ACYP2: variants seen among roughly 807,000 people sequenced by gnomAD.
ACYP2 encodes acylphosphatase 2.
A neutral mutation model predicts 11.2 loss-of-function variants in ACYP2; 12 were observed. That is an observed-to-expected ratio of 1.08 (90% CI 0.69 to 1.74). ACYP2 has a LOEUF of 1.74. ACYP2 is among the 40% of genes most tolerant of loss of function. The probability of loss-of-function intolerance (pLI) is 0.00; values close to 1 mark genes in which losing one functional copy is unlikely to be tolerated. For missense variants in ACYP2, 134 were observed against 101.9 expected, an observed-to-expected ratio of 1.31 and a Z score of -1.35; for synonymous variants, 43 against 32.2, an observed-to-expected ratio of 1.33 and a Z score of -1.13.
chr2:54,230,646 A>G (rs963677688), intron 6 of ACYP2, among the ~76,000 whole-genome samples: 1 of 150,206 alleles, frequency 6.7e-6, no homozygotes, highest in African/African-American at 2.4e-5. Flanking sequence ...GATTACAGGC[A>G]TGAGCCACTG....
intron 6 of ACYP2, among the ~76,000 whole-genome samples, chr2:54,188,477 C>T (rs566729975): frequency 4.6e-5 from 7 of 152,140 alleles, no homozygotes; most frequent in Admixed American, 2.0e-4. Context: ...ATATAATATT[C>T]GAACTTTCTA....
At chr2:54,098,161 G>A (rs1169577791) in intron 4 of ACYP2, among the ~76,000 whole-genome samples, 2 of 151,830 alleles carry the variant, frequency 1.3e-5, no homozygotes, top group Non-Finnish European at 2.9e-5. Context: ...TAGAGTCAGG[G>A]TTTTGCCATG....
intron 2 of ACYP2, among the ~76,000 whole-genome samples, chr2:54,038,937 A>G (rs1337473309): frequency 1.3e-5 from 2 of 151,984 alleles, no homozygotes; most frequent in Admixed American, 6.6e-5. Context: ...TTAACAGGGA[A>G]GGGCTCACTG....
At chr2:54,029,520 A>G (rs776396534) in intron 2 of ACYP2, 9 of 392,596 alleles carry the variant, frequency 2.3e-5, no homozygotes, top group Non-Finnish European at 3.9e-5. Context: ...CCAGCAACTC[A>G]GGCTCCTTCC....
intron 2 of ACYP2, among the ~76,000 whole-genome samples, chr2:54,045,215 T>C (rs1352978285): frequency 8.5e-5 from 13 of 152,154 alleles, no homozygotes; most frequent in Admixed American, 7.9e-4. Context: ...TTATTCCAAC[T>C]GATCAATGAC....
chr2:54,132,680 A>G (rs906860762), intron 4 of ACYP2, among the ~76,000 whole-genome samples: 7 of 150,292 alleles, frequency 4.7e-5, no homozygotes, highest in Non-Finnish European at 3.0e-5. Context: ...CCAATGTATT[A>G]TTTTTCAATT....
intron 2 of ACYP2, among the ~76,000 whole-genome samples, chr2:54,033,665 G>A (rs999061116): frequency 3.9e-5 from 6 of 152,212 alleles, no homozygotes; most frequent in Non-Finnish European, 8.8e-5. Context: ...AGGCAGGGGA[G>A]TGACATGATC....
intron 4 of ACYP2, among the ~76,000 whole-genome samples, chr2:54,110,761 C>T (rs1428624263): frequency 6.6e-6 from 1 of 151,956 alleles, no homozygotes; most frequent in Non-Finnish European, 1.5e-5. Flanking sequence ...AGGTGTCGCC[C>T]CATCACCCCA....
intron 6 of ACYP2, among the ~76,000 whole-genome samples, chr2:54,258,296 G>A (rs1472642354): frequency 6.6e-6 from 1 of 152,164 alleles, no homozygotes; most frequent in African/African-American, 2.4e-5. Flanking sequence ...ATGAGATTTT[G>A]GCAAAGAGTC....
intron 6 of ACYP2, among the ~76,000 whole-genome samples, chr2:54,219,962 C>T (rs559819199): frequency 5.0e-5 from 7 of 141,154 alleles, no homozygotes; most frequent in African/African-American, 1.6e-4. Context: ...GGCTGGTCTC[C>T]AACTCCTGAC....
chr2:53,990,047 C>T (rs1422276964), intron 2 of ACYP2, among the ~76,000 whole-genome samples: 2 of 146,274 alleles, frequency 1.4e-5, no homozygotes, highest in African/African-American at 2.5e-5. Context: ...GGTGTGATCT[C>T]GGCTCACTGC....
intron 6 of ACYP2, among the ~76,000 whole-genome samples, chr2:54,212,935 T>C (rs1324814280): frequency 2.0e-5 from 3 of 152,000 alleles, no homozygotes; most frequent in Non-Finnish European, 4.4e-5. Flanking sequence ...ATGTCATGGC[T>C]GTTTTTTCTC....
chr2:54,098,547 C>A (rs1219388405), intron 4 of ACYP2, among the ~76,000 whole-genome samples: 2 of 152,152 alleles, frequency 1.3e-5, no homozygotes, highest in Non-Finnish European at 2.9e-5. Context: ...CTTCTTTGAA[C>A]AGTTTCTGCT....
At chr2:54,206,471 A>G (rs1685072932) in intron 6 of ACYP2, among the ~76,000 whole-genome samples, 1 of 152,194 alleles carries the variant, frequency 6.6e-6, no homozygotes, top group South Asian at 2.1e-4. Flanking sequence ...TTCTTGTTTA[A>G]TTAGGTTGCC....
chr2:54,132,038 G>T (rs977784), intron 4 of ACYP2, among the ~76,000 whole-genome samples: 39,518 of 152,016 alleles, frequency 0.26, 5,275 homozygotes, highest in African/African-American at 0.34. Flanking sequence ...TTTTCATAAC[G>T]CTAATATTCT....
At chr2:54,046,194 G>T (rs1391456247) in intron 2 of ACYP2, among the ~76,000 whole-genome samples, 8 of 143,062 alleles carry the variant, frequency 5.6e-5, no homozygotes, top group Admixed American at 3.5e-4. Flanking sequence ...AAAAAAAAAG[G>T]TCCAGGCGCA....
intron 6 of ACYP2, among the ~76,000 whole-genome samples, chr2:54,213,087 C>T (rs1372369150): frequency 1.3e-5 from 2 of 152,154 alleles, no homozygotes; most frequent in East Asian, 3.9e-4. Flanking sequence ...GGTCACCCTC[C>T]TCCCACCCTC....
At chr2:53,995,469 TTTTATTTATTTATTTATTTTTTATTTA>T (rs1558460090) in intron 2 of ACYP2, among the ~76,000 whole-genome samples, 2 of 146,070 alleles carry the variant, frequency 1.4e-5, no homozygotes, top group African/African-American at 2.5e-5. Context: ...TGCTATTATT[TTTTATTTATTTATTTATTTTTTATTTA>T]TTTATTTATT....
chr2:54,024,814 A>G (rs551782054), intron 2 of ACYP2, among the ~76,000 whole-genome samples: 11 of 152,302 alleles, frequency 7.2e-5, no homozygotes, highest in South Asian at 2.1e-4. Context: ...TTTCCTGACG[A>G]TATGATCATA....
Sources: gnomAD v4.1 joint callset for allele counts (sites outside exome capture counted in the v4.1 genomes callset) on GRCh38, gnomAD v4.1.1 for gene constraint, MANE v1.5 for transcripts, NCBI Gene and HGNC (gene_info 2026-07-23, HGNC 2026-07-21) for gene names.